CCSER1: variants seen among roughly 807,000 people sequenced by gnomAD.
CCSER1 encodes coiled-coil serine rich protein 1.
Under a neutral mutation model 82.0 loss-of-function variants are expected in CCSER1, and 41 were observed. That is an observed-to-expected ratio of 0.50 (90% CI 0.39 to 0.65). CCSER1 has a LOEUF of 0.65. CCSER1 is among the 30% of genes least tolerant of loss of function. The pLI is 0.00. For missense variants in CCSER1, 1,119 were observed against 1,064.2 expected (o/e 1.05, Z -0.72); for synonymous variants, 414 against 383.9 (o/e 1.08, Z -0.92).
intron 6 of CCSER1, among the ~76,000 whole-genome samples, chr4:90,723,611 A>G (rs567641635): frequency 2.6e-5 from 4 of 152,050 alleles, no homozygotes; most frequent in Non-Finnish European, 5.9e-5. Flanking sequence ...AAGGTAAAAT[A>G]TAAATTAAGC....
At chr4:90,303,428 G>A (rs1376974541) in intron 1 of CCSER1, among the ~76,000 whole-genome samples, 7 of 152,006 alleles carry the variant, frequency 4.6e-5, no homozygotes, top group Non-Finnish European at 1.0e-4. Flanking sequence ...AACCAAAACA[G>A]CATGGTACTG....
chr4:90,991,156 C>T (rs990107696), intron 9 of CCSER1, among the ~76,000 whole-genome samples: 4 of 147,488 alleles, frequency 2.7e-5, no homozygotes, highest in African/African-American at 9.9e-5. Flanking sequence ...CTTCAGGTCT[C>T]TTTTTTTTTT....
At chr4:90,598,758 G>GAGTGTC (rs1290344996) in intron 5 of CCSER1, among the ~76,000 whole-genome samples, 6 of 152,076 alleles carry the variant, frequency 3.9e-5, no homozygotes, top group Admixed American at 2.6e-4. Flanking sequence ...CACTGGGTTG[G>GAGTGTC]CTCAGGTGTC....
In CCSER1 at chr4:91,268,317, A is replaced by G. The variant is rs529575000; in HGVS notation, c.2217+182323A>G. Among the ~76,000 whole-genome samples, 5 of 152,164 alleles carry G rather than the reference A, an allele frequency of 3.3e-5. No homozygotes were observed. The South Asian group carries it at 1.0e-3, about 32-fold the overall frequency. On this transcript the variant is annotated intron_variant, in intron 10 of 10. Transcript: ENST00000509176. ...TAGATCTGGCAGCATTATTGGGGGG[A>G]TGTGAGGATGTGATTTATTATTACC...
intron 10 of CCSER1, among the ~76,000 whole-genome samples, chr4:91,545,217 A>T (rs567266898): frequency 1.5e-4 from 23 of 152,170 alleles, no homozygotes; most frequent in South Asian, 1.0e-3. Context: ...TTTTCCAGGT[A>T]CCATCTGTCA....
intron 6 of CCSER1, among the ~76,000 whole-genome samples, chr4:90,706,452 C>A (rs1253079875): frequency 6.6e-6 from 1 of 151,824 alleles, no homozygotes; most frequent in Non-Finnish European, 1.5e-5. Context: ...TCTAAAAAGT[C>A]AATTAATTAA....
intron 5 of CCSER1, among the ~76,000 whole-genome samples, chr4:90,560,062 A>G (rs1012658694): frequency 5.9e-5 from 9 of 152,120 alleles, no homozygotes; most frequent in African/African-American, 2.2e-4. Flanking sequence ...AGCCTGCAAT[A>G]ACTTATCCTG....
At chr4:90,371,515 C>T (rs550883442) in intron 3 of CCSER1, among the ~76,000 whole-genome samples, 237 of 150,846 alleles carry the variant, frequency 1.6e-3, no homozygotes, top group Non-Finnish European at 2.8e-3. Context: ...TAAATAATAA[C>T]CAACTCCCTT....
At chr4:91,253,900 G>A (rs1050720248) in intron 10 of CCSER1, among the ~76,000 whole-genome samples, 1 of 152,056 alleles carries the variant, frequency 6.6e-6, no homozygotes, top group Non-Finnish European at 1.5e-5. Flanking sequence ...CAGATCTCAT[G>A]AGAACTCACT....
At chr4:90,987,644 T>C (rs1441415477) in intron 9 of CCSER1, among the ~76,000 whole-genome samples, 1 of 151,776 alleles carries the variant, frequency 6.6e-6, no homozygotes, top group South Asian at 2.1e-4. Context: ...TTAATTCAAC[T>C]TGTGTTTTTT....
intron 9 of CCSER1, among the ~76,000 whole-genome samples, chr4:91,000,160 C>T (rs903560441): frequency 2.0e-5 from 3 of 151,326 alleles, no homozygotes; most frequent in Non-Finnish European, 4.4e-5. Context: ...TGTTTTTGTA[C>T]CAGTACCTTA....
chr4:90,642,228 T>A (rs534782278), intron 6 of CCSER1: 58 of 157,528 alleles, frequency 3.7e-4, no homozygotes, highest in Admixed American at 2.2e-3. Context: ...TGTTTGAAAA[T>A]CAGAATCAAA....
intron 10 of CCSER1, among the ~76,000 whole-genome samples, chr4:91,372,493 C>A (rs1578292890): frequency 6.6e-6 from 1 of 151,388 alleles, no homozygotes; most frequent in African/African-American, 2.4e-5. Flanking sequence ...CTTCATATAC[C>A]CTATTACCTA....
rs928386600 is a variant in CCSER1, at chr4:91,127,609, A to G, written c.2217+41615A>G. Among the ~76,000 whole-genome samples, 4 of 152,094 alleles carry G rather than the reference A, an allele frequency of 2.6e-5. No homozygotes were observed. In the South Asian group the frequency reaches 8.3e-4, roughly 31 times the overall value. On this transcript the variant is annotated intron_variant, in intron 10 of 10. Transcript: ENST00000509176. ...ATGCTTGTTGCTCCTGAAAAAATAA[A>G]AAATACAAGAGAAATGTCCTCAATT...
chr4:90,485,528 C>G (rs971892272), intron 5 of CCSER1, among the ~76,000 whole-genome samples: 9 of 150,988 alleles, frequency 6.0e-5, no homozygotes, highest in Admixed American at 4.0e-4. Flanking sequence ...ACCCCCCCCC[C>G]CCAATTTAAC....
At chr4:91,210,702 A>T (rs547121141) in intron 10 of CCSER1, among the ~76,000 whole-genome samples, 14 of 152,072 alleles carry the variant, frequency 9.2e-5, no homozygotes, top group African/African-American at 3.4e-4. Flanking sequence ...CTGTAGATTG[A>T]AGAAGATAAA....
chr4:90,528,260 CTAACTT>C (rs1467868358), intron 5 of CCSER1, among the ~76,000 whole-genome samples: 1 of 152,118 alleles, frequency 6.6e-6, no homozygotes, highest in East Asian at 1.9e-4. Flanking sequence ...TTTTGCCTCA[CTAACTT>C]AAATGGTGGT....
intron 10 of CCSER1, among the ~76,000 whole-genome samples, chr4:91,462,972 ACTTAAATGT>A (rs1227812318): frequency 6.6e-6 from 1 of 152,170 alleles, no homozygotes; most frequent in East Asian, 1.9e-4. Flanking sequence ...ACTTCTGCAG[ACTTAAATGT>A]CCCGGTCTGA....
At chr4:90,791,362 G>A (rs946620602) in intron 7 of CCSER1, among the ~76,000 whole-genome samples, 2 of 152,164 alleles carry the variant, frequency 1.3e-5, no homozygotes, top group Non-Finnish European at 2.9e-5. Flanking sequence ...TTTGTGGAAA[G>A]AAGAGTCAAC....
Sources: gnomAD v4.1 joint callset for allele counts (sites outside exome capture counted in the v4.1 genomes callset) on GRCh38, gnomAD v4.1.1 for gene constraint, MANE v1.5 for transcripts, NCBI Gene and HGNC (gene_info 2026-07-23, HGNC 2026-07-21) for gene names.